The following POLD3 variants were observed in gnomAD, a reference collection of about 807,000 sequenced individuals.
POLD3 encodes the protein DNA polymerase delta subunit 3.
Under a neutral mutation model 58.2 loss-of-function variants are expected in POLD3, and 19 were observed. The observed-to-expected ratio is 0.33, with a 90% CI of 0.23 to 0.48. POLD3 has a LOEUF of 0.48. Among genes scored for constraint, POLD3 ranks in the 20% least tolerant of loss-of-function variants. POLD3 has a pLI of 0.99. For missense variants in POLD3, 504 were observed against 545.5 expected (o/e 0.92, Z 0.76); for synonymous variants, 172 against 193.5 (o/e 0.89, Z 0.92).
chr11:74,640,032 G>A (rs932887280), intron 11 of POLD3, among the ~76,000 whole-genome samples: 1 of 152,132 alleles, frequency 6.6e-6, no homozygotes, highest in African/African-American at 2.4e-5. Flanking sequence ...CAGAGAGTGG[G>A]TGGCATCAGG....
chr11:74,653,318 G>GATACACAC (rs1382629566), intron 4 of POLD3, among the ~76,000 whole-genome samples: 2 of 16,822 alleles, frequency 1.2e-4, no homozygotes, highest in Admixed American at 1.3e-3. Context: ...ATACCTAAGA[G>GATACACAC]AGATACACAC....
intron 5 of POLD3, among the ~76,000 whole-genome samples, chr11:74,615,053 A>AG: frequency 6.6e-6 from 1 of 152,318 alleles, no homozygotes; most frequent in South Asian, 2.1e-4. Flanking sequence ...CAGTAGATAG[A>AG]GTTATCAGAG....
intron 2 of POLD3, among the ~76,000 whole-genome samples, chr11:74,604,186 T>A (rs2031595692): frequency 6.6e-6 from 1 of 152,124 alleles, no homozygotes. Flanking sequence ...CCCTCACACA[T>A]CTCCCAAAAA....
chr11:74,601,096 G>A (rs2031479891), intron 2 of POLD3, among the ~76,000 whole-genome samples: 1 of 152,112 alleles, frequency 6.6e-6, no homozygotes, highest in South Asian at 2.1e-4. Flanking sequence ...GGTCAATTTG[G>A]GGAGACAAGT....
chr11:74,665,503 C>G (rs1307010958), intron 4 of POLD3, among the ~76,000 whole-genome samples: 1 of 145,036 alleles, frequency 6.9e-6, no homozygotes, highest in Non-Finnish European at 1.5e-5. Flanking sequence ...CAGGTTCAAG[C>G]AAGTCTCTTG....
At chr11:74,604,887 C>T (rs978606593) in intron 3 of POLD3, 93 bp downstream of exon 3, 1 of 709,514 alleles carries the variant, frequency 1.4e-6, no homozygotes, top group Non-Finnish European at 2.5e-6. Context: ...AATCAAGATT[C>T]TGTGTTATAG....
At chr11:74,629,609 G>T (rs1591312780) in intron 9 of POLD3, among the ~76,000 whole-genome samples, 1 of 151,274 alleles carries the variant, frequency 6.6e-6, no homozygotes, top group East Asian at 1.9e-4. Context: ...ACTTTTAAGG[G>T]GAGGATATTC....
At chr11:74,614,989 G>A (rs2032039660) in intron 5 of POLD3, among the ~76,000 whole-genome samples, 1 of 152,210 alleles carries the variant, frequency 6.6e-6, no homozygotes, top group African/African-American at 2.4e-5. Flanking sequence ...GCTAAGGAGA[G>A]AAATCTGGGG....
Position 74,641,171 on chromosome 11 carries a change from G to A in POLD3, c.*405G>A, listed in dbSNP as rs1246377473. 2.0e-6 allele frequency: 2 copies of A among 987,332 alleles called. No individual in the cohort carries two copies. Among genetic ancestry groups the A allele is most frequent in the Non-Finnish European group, 2.4e-6 (2 of 831,280 alleles). 61.2% of individuals were successfully genotyped at this position (987,332 alleles called of 1,614,324 possible). On this transcript the variant is annotated 3_prime_UTR_variant, in exon 12 of 12. Transcript: ENST00000263681. ...CCTCTGTATTCTAAGAATTCATGTG[G>A]GTGTTTCTTATCCTTACATTCTGCT...
At position 74,634,661 on chromosome 11, in the gene POLD3, TG is replaced by T; in HGVS notation, c.1086del (p.Pro363GlnfsTer25). 1 of 1,611,896 alleles carries T rather than the reference TG, an allele frequency of 6.2e-7. No homozygotes were observed. Among genetic ancestry groups the T allele is most frequent in the Admixed American group, 1.7e-5 (1 of 60,028 alleles). Reference protein sequence around the residue: ...PPPPSPPLEPVPKTEPEPPSV... With the variant: ...PPPPSPPLEPXPKTEPEPPSV... ...CCTCCGTCTCCACCTCTTGAACCAG[TG>T]CCAAAGACTGAGCCTGAACCTCCTT... On this transcript the variant is annotated frameshift_variant, in exon 10 of 12. Coordinates refer to ENST00000263681, the MANE Select transcript of POLD3 (RefSeq NM_006591.3). LOFTEE classifies it high-confidence loss of function.
chr11:74,620,699 A>C (rs1055022648), intron 7 of POLD3, among the ~76,000 whole-genome samples: 17 of 152,166 alleles, frequency 1.1e-4, no homozygotes, highest in Non-Finnish European at 1.6e-4. Context: ...GTAGTCACAT[A>C]TTTTCATACT....
intron 4 of POLD3, among the ~76,000 whole-genome samples, chr11:74,612,668 A>G (rs1158455384): frequency 2.0e-5 from 3 of 152,244 alleles, no homozygotes; most frequent in Non-Finnish European, 4.4e-5. Flanking sequence ...TGCTGTCCTT[A>G]GAAATGACTC....
chr11:74,619,568 G>A (rs987751085), intron 6 of POLD3, among the ~76,000 whole-genome samples: 2 of 152,090 alleles, frequency 1.3e-5, no homozygotes, highest in African/African-American at 4.8e-5. Flanking sequence ...TTTCGCATAT[G>A]GTAAAACTGA....
At chr11:74,649,600 C>T (rs766010086) in intron 4 of POLD3, among the ~76,000 whole-genome samples, 3 of 152,190 alleles carry the variant, frequency 2.0e-5, no homozygotes, top group Non-Finnish European at 2.9e-5. Flanking sequence ...CAACAGCTAT[C>T]CTGAAGCTCC....
chr11:74,602,284 G>A (rs2031528227), intron 2 of POLD3, among the ~76,000 whole-genome samples: 1 of 152,132 alleles, frequency 6.6e-6, no homozygotes, highest in African/African-American at 2.4e-5. Flanking sequence ...TTTCAGACAA[G>A]ACTCTCTAGC....
At chr11:74,639,921 G>A (rs779790360) in intron 11 of POLD3, among the ~76,000 whole-genome samples, 1 of 152,182 alleles carries the variant, frequency 6.6e-6, no homozygotes, top group African/African-American at 2.4e-5. Context: ...TAACCTTCAT[G>A]ATACAGACTA....
chr11:74,667,459 G>A (rs1229028055), intron 4 of POLD3, among the ~76,000 whole-genome samples: 2 of 152,174 alleles, frequency 1.3e-5, no homozygotes, highest in African/African-American at 4.8e-5. Flanking sequence ...GAACCCGGGG[G>A]GCGGAGCTTG....
intron 3 of POLD3, among the ~76,000 whole-genome samples, chr11:74,610,172 C>A (rs971538994): frequency 6.7e-6 from 1 of 148,768 alleles, no homozygotes; most frequent in Admixed American, 6.7e-5. Context: ...ATTTATATTT[C>A]TTTTTCTGTG....
chr11:74,643,607 G>A (rs747173598), downstream of POLD3, among the ~76,000 whole-genome samples: 3 of 152,218 alleles, frequency 2.0e-5, no homozygotes, highest in Admixed American at 6.5e-5. Context: ...GAATGGAAAT[G>A]ACTTTCCAGG....
Sources: gnomAD v4.1 joint callset for allele counts (sites outside exome capture counted in the v4.1 genomes callset) on GRCh38, gnomAD v4.1.1 for gene constraint, MANE v1.5 for transcripts, NCBI Gene and HGNC (gene_info 2026-07-23, HGNC 2026-07-21) for gene names.